PROS1: variants seen among roughly 807,000 people sequenced by gnomAD.
The protein encoded by PROS1 is vitamin K-dependent protein S.
PROS1 carries 29 observed loss-of-function variants against 75.9 expected under a neutral mutation model. The ratio of observed to expected loss-of-function variants is 0.38; its 90% CI spans 0.28 to 0.52. PROS1 has a LOEUF of 0.52. PROS1 is among the 20% of genes least tolerant of loss of function. The pLI is 0.83. For synonymous variants in PROS1, 245 were observed against 280.6 expected, an observed-to-expected ratio of 0.87 and a Z score of 1.27; for missense variants, 680 against 810.3, an observed-to-expected ratio of 0.84 and a Z score of 1.95.
At chr3:93,948,998 G>T (rs879923014) in intron 1 of PROS1, among the ~76,000 whole-genome samples, 1 of 152,122 alleles carries the variant, frequency 6.6e-6, no homozygotes, top group East Asian at 1.9e-4. Context: ...TGCAAGCATG[G>T]CACAGTAACA....
chr3:93,885,860 T>C (rs1708338579), intron 11 of PROS1, among the ~76,000 whole-genome samples: 1 of 152,206 alleles, frequency 6.6e-6, no homozygotes, highest in Admixed American at 6.5e-5. Context: ...AGTAAATATT[T>C]AACAATAAAT....
chr3:93,927,963 ATAT>A (rs1432133270), intron 1 of PROS1, among the ~76,000 whole-genome samples: 1 of 131,378 alleles, frequency 7.6e-6, no homozygotes, highest in Non-Finnish European at 1.6e-5. Context: ...TTGTGTATAT[ATAT>A]ATGTGTGTAT....
At position 93,874,154 on chromosome 3, in the gene PROS1, T is replaced by C. The variant is rs1708148120; in HGVS notation, c.*91A>G. On this transcript the variant is annotated 3_prime_UTR_variant, in exon 15 of 15. Coordinates refer to ENST00000394236, the MANE Select transcript of PROS1 (RefSeq NM_000313.4). ...AAAGGACCACAAAATAATCAAAGAC[T>C]GCACATTGTAAATAAAACCCTTCAG... 7.0e-7 allele frequency: 1 copy of C among 1,433,908 alleles called. No homozygotes were observed. Among genetic ancestry groups the C allele is most frequent in the Non-Finnish European group, 9.8e-7 (1 of 1,023,458 alleles). The allele number at this position is 1,433,908 out of a possible 1,614,324, so 88.8% of individuals were successfully genotyped here.
At chr3:93,926,941 C>T (rs1709027139) in intron 2 of PROS1, among the ~76,000 whole-genome samples, 1 of 151,810 alleles carries the variant, frequency 6.6e-6, no homozygotes, top group South Asian at 2.1e-4. Context: ...TCTCCCCTCC[C>T]CCTAACACTA....
intron 12 of PROS1, among the ~76,000 whole-genome samples, chr3:93,882,237 G>T (rs927572804): frequency 8.5e-5 from 13 of 152,110 alleles, no homozygotes; most frequent in African/African-American, 2.9e-4. Context: ...TTATATATTT[G>T]CATAACCTTT....
At chr3:93,964,871 T>G (rs954185656) in intron 1 of PROS1, among the ~76,000 whole-genome samples, 2 of 152,160 alleles carry the variant, frequency 1.3e-5, no homozygotes, top group African/African-American at 4.8e-5. Context: ...CCAACACTTA[T>G]GGAAAATAGA....
chr3:93,926,484 T>C (rs1316922325), intron 2 of PROS1, among the ~76,000 whole-genome samples: 1 of 152,108 alleles, frequency 6.6e-6, no homozygotes, highest in East Asian at 1.9e-4. Context: ...ATACAAAAAT[T>C]AGCCAGGCAT....
chr3:93,947,236 G>C (rs149457943), intron 1 of PROS1, among the ~76,000 whole-genome samples: 2 of 152,168 alleles, frequency 1.3e-5, no homozygotes, highest in Non-Finnish European at 2.9e-5. Flanking sequence ...CTGTGAACTA[G>C]ATCAACCATT....
At position 93,900,598 on chromosome 3, in the gene PROS1, G is replaced by A. The variant is rs8178662; in HGVS notation, c.727+206C>T. On this transcript the variant is annotated intron_variant, in intron 7 of 14. Coordinates refer to ENST00000394236, the MANE Select transcript of PROS1 (RefSeq NM_000313.4). ...TAGGTAGCTCAAAGGGCCAACTGGC[G>A]TGCCTAACACCAAACTTAAAGACCA... Among the ~76,000 whole-genome samples the A allele has an allele frequency of 3.8e-3, 575 of 152,238 alleles. 2 individuals are homozygous for A. Among genetic ancestry groups the A allele is most frequent in the Non-Finnish European group, 6.0e-3 (410 of 68,020 alleles).
chr3:93,893,676 G>A (rs1323272540), intron 9 of PROS1, among the ~76,000 whole-genome samples: 1 of 152,198 alleles, frequency 6.6e-6, no homozygotes, highest in Non-Finnish European at 1.5e-5. Flanking sequence ...AGATCTACAA[G>A]ATGGCACATG....
At chr3:93,899,759 G>A (rs1319099774) in intron 7 of PROS1, among the ~76,000 whole-genome samples, 5 of 152,076 alleles carry the variant, frequency 3.3e-5, no homozygotes, top group Non-Finnish European at 5.9e-5. Context: ...AAGATTAGAG[G>A]TTACCGCCAT....
intron 1 of PROS1, among the ~76,000 whole-genome samples, chr3:93,951,910 A>T (rs1249907334): frequency 6.6e-6 from 1 of 152,118 alleles, no homozygotes; most frequent in Non-Finnish European, 1.5e-5. Context: ...ATGGGAAACA[A>T]AAAAAAGCAG....
At chr3:93,879,357 A>G in intron 12 of PROS1, 43 bp from the exon 13 acceptor site, 2 of 1,588,282 alleles carry the variant, frequency 1.3e-6, no homozygotes, top group East Asian at 4.5e-5. Context: ...ATGCACTCCT[A>G]AAGTGCATCA....
At chr3:93,926,176 G>T (rs1412212486) in intron 2 of PROS1, among the ~76,000 whole-genome samples, 1 of 152,116 alleles carries the variant, frequency 6.6e-6, no homozygotes, top group Non-Finnish European at 1.5e-5. Context: ...AAAAAAATAG[G>T]TAAAACAAGA....
intron 1 of PROS1, among the ~76,000 whole-genome samples, chr3:93,943,296 G>A (rs1404979005): frequency 2.0e-5 from 3 of 152,118 alleles, no homozygotes; most frequent in African/African-American, 7.2e-5. Flanking sequence ...AACCAAGCAA[G>A]TAATTACACT....
chr3:93,879,081 C>A (rs1332244080), intron 13 of PROS1, 82 bp downstream of exon 13: 2 of 1,325,116 alleles, frequency 1.5e-6, no homozygotes, highest in Non-Finnish European at 2.1e-6. Context: ...TCAAAATAGT[C>A]CTTTGAGGTA....
At chr3:93,971,220 C>G (rs889942604) in intron 1 of PROS1, among the ~76,000 whole-genome samples, 1 of 151,464 alleles carries the variant, frequency 6.6e-6, no homozygotes, top group African/African-American at 2.4e-5. Context: ...TGCATGCCAG[C>G]TGGTGCAATA....
At position 93,873,087 on chromosome 3, in the gene PROS1, A is replaced by G. The variant is rs1178570980; in HGVS notation, c.*1158T>C. ...ATTTTGTTTTATTCAAACAGTTGAT[A>G]TAATAAAGATATTCACATGCATTTT... On this transcript the variant is annotated 3_prime_UTR_variant, in exon 15 of 15. Transcript: ENST00000394236. The G allele has an allele frequency of 1.3e-5, 2 of 152,244 alleles. No homozygotes were observed. The highest frequency in any genetic ancestry group is 4.8e-5 in the African/African-American group (2 of 41,470). The allele number at this position is 152,244 out of a possible 1,614,324, so 9.4% of individuals were successfully genotyped here.
At chr3:93,917,870 G>A (rs985321015) in intron 3 of PROS1, among the ~76,000 whole-genome samples, 18 of 152,234 alleles carry the variant, frequency 1.2e-4, no homozygotes, top group Admixed American at 3.3e-4. Flanking sequence ...AGCCTCCCCC[G>A]CCTCTGTGGG....
Sources: gnomAD v4.1 joint callset for allele counts (sites outside exome capture counted in the v4.1 genomes callset) on GRCh38, gnomAD v4.1.1 for gene constraint, MANE v1.5 for transcripts, NCBI Gene and HGNC (gene_info 2026-07-23, HGNC 2026-07-21) for gene names.